The following SYMPK variants were observed in gnomAD, a reference collection of about 807,000 sequenced individuals.
The protein encoded by SYMPK is symplekin.
A neutral mutation model predicts 136.4 loss-of-function variants in SYMPK; 49 were observed. The observed-to-expected ratio is 0.36, with a 90% CI of 0.29 to 0.46. The LOEUF (loss-of-function observed/expected upper bound fraction) is 0.46. Ranked by LOEUF, SYMPK falls within the 20% of genes least tolerant of loss-of-function variation. The pLI, the probability that SYMPK is intolerant of heterozygous loss-of-function variation, is 1.00. For synonymous variants in SYMPK, 766 were observed against 713.0 expected (o/e 1.07, Z -1.19); for missense variants, 1,365 against 1,690.0 (o/e 0.81, Z 3.37).
chr19:45,815,521 C>T lies in SYMPK; in HGVS notation c.*39G>A. 1 of 1,403,210 alleles carries T rather than the reference C, an allele frequency of 7.1e-7. No individual in the cohort carries two copies. Among genetic ancestry groups the T allele is most frequent in the South Asian group, 1.4e-5 (1 of 70,888 alleles). The allele number at this position is 1,403,210 out of a possible 1,614,324, so 86.9% of individuals were successfully genotyped here. On this transcript the variant is annotated 3_prime_UTR_variant, in exon 27 of 27. Transcript: ENST00000245934. The stretch of plus-strand genomic sequence containing the variant: ...TCAAGCCCCGCCCCGTCCCCCAGCC[C>T]CGAGTCCCTGTCCCACCCCCTTTCC...
At position 45,835,070 on chromosome 19, in the gene SYMPK, ACACT is replaced by A. The variant is rs1971272953; in HGVS notation, c.1393+4_1393+7del. 1 of 1,583,038 alleles carries A rather than the reference ACACT, an allele frequency of 6.3e-7. No homozygotes were observed. Among genetic ancestry groups the A allele is most frequent in the East Asian group, 2.2e-5 (1 of 44,502 alleles). ...CCCTGGCCCAGGTTAGGGCCAGGAC[ACACT>A]CACCTGGTCCCAGTCCGGCAGCTGT... On this transcript the variant is annotated splice_donor_5th_base_variant and intron_variant, in intron 11 of 26. Coordinates refer to ENST00000245934, the MANE Select transcript of SYMPK (RefSeq NM_004819.3).
rs1970879921 is a variant in SYMPK at position 45,821,176 on chromosome 19, GAGGA to G, written c.2893+204_2893+207del. 1 of 662,184 alleles carries G rather than the reference GAGGA, an allele frequency of 1.5e-6. No homozygotes were observed. The highest frequency in any genetic ancestry group is 2.8e-6 in the Non-Finnish European group (1 of 360,782). 41.0% of individuals were successfully genotyped at this position (662,184 alleles called of 1,614,324 possible). On this transcript the variant is annotated intron_variant, in intron 22 of 26. Coordinates refer to ENST00000245934, the MANE Select transcript of SYMPK (RefSeq NM_004819.3). The surrounding 1 kb of genome is among the most constrained non-coding windows in gnomAD (Gnocchi z 4.4). The stretch of plus-strand genomic sequence containing the variant: ...GTGGGTTGTAAAGGGTAAAACCTGG[GAGGA>G]AGGAAGGAGGAGGGAGGGAGGGAGG...
intron 18 of SYMPK, among the ~76,000 whole-genome samples, chr19:45,824,798 C>A (rs1288499034): frequency 6.6e-6 from 1 of 152,112 alleles, no homozygotes; most frequent in Non-Finnish European, 1.5e-5. Flanking sequence ...GTTAGCAACA[C>A]TGGGAAGGCC....
chr19:45,817,037 C>T (rs1970760796), intron 23 of SYMPK, 63 bp from the exon 24 acceptor site: 1 of 1,502,554 alleles, frequency 6.7e-7, no homozygotes, highest in South Asian at 1.2e-5. Flanking sequence ...AGCCTTGACA[C>T]TGGGAGAAAG....
chr19:45,839,646 C>T (rs538383831), intron 9 of SYMPK, among the ~76,000 whole-genome samples: 9 of 152,002 alleles, frequency 5.9e-5, no homozygotes, highest in East Asian at 1.9e-4. Flanking sequence ...CTGGCTAACA[C>T]GGTGAAACCC....
Position 45,829,069 on chromosome 19 carries a change from G to C in SYMPK, c.1886C>G (p.Ala629Gly). The change falls in exon 14 of 27, where the codon GCC becomes GGC. Residue 629 changes from alanine (A) to glycine (G), a missense_variant. This residue lies in a region of SYMPK where 303 missense variants were observed against 326.6 expected (regional missense o/e 0.93). Coordinates refer to ENST00000245934, the MANE Select transcript of SYMPK (RefSeq NM_004819.3). ...AFAWLYQEYNAYLAAGASGSL... is the reference protein window; with the variant it reads ...AFAWLYQEYNGYLAAGASGSL... ...GCCCGAGGCACCTGCGGCCAGGTAG[G>C]CGTTGTACTCCTGGTAGAGCCAGGC... 1.2e-6 allele frequency: 2 copies of C among 1,614,202 alleles called. No individual in the cohort carries two copies. Among genetic ancestry groups the C allele is most frequent in the Non-Finnish European group, 1.7e-6 (2 of 1,180,040 alleles).
rs1450250788 is a variant in SYMPK, at chr19:45,823,475, G to T, written c.2600-3C>A. On this transcript the variant is annotated splice_polypyrimidine_tract_variant and splice_region_variant and intron_variant, in intron 19 of 26. Coordinates refer to ENST00000245934, the MANE Select transcript of SYMPK (RefSeq NM_004819.3). ...CACCAGCTCTGGGGAGGGTGGGACT[G>T]CATGGAAGCAGCAGGAGGCACCAAG... The T allele has an allele frequency of 6.2e-7, 1 of 1,613,478 alleles. No homozygotes were observed. The highest frequency in any genetic ancestry group is 8.5e-7 in the Non-Finnish European group (1 of 1,179,874).
Position 45,816,010 on chromosome 19 carries a change from C to CGGAGAG in SYMPK, c.3522_3527dup (p.Pro1176_Ser1177dup), listed in dbSNP as rs766188930. On this transcript the variant is annotated inframe_insertion, in exon 26 of 27. Transcript: ENST00000245934. ...ACGGGGGCGGGCCTGGCCGGGCCGA[C>CGGAGAG]GGAGAGGGAGAGGGGGAGGAAGAGG... 7.5e-6 allele frequency: 12 copies of CGGAGAG among 1,598,832 alleles called. No homozygotes were observed. In the East Asian group the frequency reaches 2.5e-4, roughly 33 times the overall value.
intron 10 of SYMPK, 42 bp from the exon 11 acceptor site, chr19:45,835,270 C>T (rs745617119): frequency 2.0e-6 from 3 of 1,523,908 alleles, no homozygotes; most frequent in Non-Finnish European, 1.8e-6. Context: ...TAATCATTAA[C>T]TCAAGAAGCA....
chr19:45,825,972 G>T (rs1315403392), intron 17 of SYMPK, among the ~76,000 whole-genome samples: 1 of 152,176 alleles, frequency 6.6e-6, no homozygotes, highest in Non-Finnish European at 1.5e-5. Context: ...ACCTGCCTGA[G>T]ATGGCCCTGC....
chr19:45,838,406 C>T, intron 10 of SYMPK, 55 bp downstream of exon 10: 4 of 1,565,620 alleles, frequency 2.6e-6, no homozygotes, highest in Non-Finnish European at 3.5e-6. Context: ...AGGTGAAAGA[C>T]CGAGGAGATC....
chr19:45,815,859 G>C lies in SYMPK; in HGVS notation c.3679C>G (p.Leu1227Val). Reference protein sequence around the residue: ...ALLDSSLEGPLPKETAAGGLT... With the variant: ...ALLDSSLEGPVPKETAAGGLT... ...GAGGCTGCTCTCCCTACCTTGGGTA[G>C]GGGGCCCTCGAGACTAGAGTCCAAC... Residue 1227 changes from leucine (L) to valine (V), a missense_variant, in exon 26 of 27, where the codon CTA becomes GTA. Leu to Val is a conservative substitution (Grantham distance 32). This residue lies in a region of SYMPK where 341 missense variants were observed against 270.5 expected (regional missense o/e 1.26). Transcript: ENST00000245934. 1.9e-6 allele frequency: 3 copies of C among 1,611,630 alleles called. No individual in the cohort carries two copies. Among genetic ancestry groups the C allele is most frequent in the Non-Finnish European group, 2.5e-6 (3 of 1,179,576 alleles).
chr19:45,818,638 G>A (rs1600489367), intron 22 of SYMPK, among the ~76,000 whole-genome samples: 1 of 152,192 alleles, frequency 6.6e-6, no homozygotes, highest in Non-Finnish European at 1.5e-5. Flanking sequence ...GGGGTGCCAG[G>A]CTAAGGGCTG....
chr19:45,838,828 G>A (rs1971369009), intron 9 of SYMPK, among the ~76,000 whole-genome samples: 1 of 152,190 alleles, frequency 6.6e-6, no homozygotes, highest in Non-Finnish European at 1.5e-5. Context: ...CAGATCTCCT[G>A]ATCTGGGAAA....
intron 10 of SYMPK, among the ~76,000 whole-genome samples, chr19:45,836,917 A>C (rs1193794990): frequency 1.3e-5 from 2 of 152,220 alleles, no homozygotes; most frequent in African/African-American, 4.8e-5. Context: ...AAAGATAATG[A>C]AACTGCTATA....
intron 1 of SYMPK, among the ~76,000 whole-genome samples, chr19:45,862,187 ATTT>A (rs1971982441): frequency 6.6e-6 from 1 of 152,152 alleles, no homozygotes; most frequent in South Asian, 2.1e-4. Flanking sequence ...GTTGCATAGT[ATTT>A]TTTATGTGGA....
intron 6 of SYMPK, 39 bp from the exon 7 acceptor site, chr19:45,848,040 A>G (rs909948365): frequency 1.3e-6 from 2 of 1,545,970 alleles, no homozygotes; most frequent in Admixed American, 1.8e-5. Context: ...AGACACACAA[A>G]GAGGTGAAGA....
In SYMPK at chr19:45,844,144, G is replaced by A. The variant is rs747985563; in HGVS notation, c.733C>T (p.His245Tyr). 2.5e-6 allele frequency: 4 copies of A among 1,612,172 alleles called. No homozygotes were observed. The highest frequency in any genetic ancestry group is 4.5e-5 in the East Asian group (2 of 44,774). ...ALEQLLKFMV[H>Y]PAISSINLTT... Reference sequence around the variant, plus strand: ...AGGTTGATGGAGGAGATGGCAGGGTGCACCATGAACTTAAGCAGCTGCTCC... The same window carrying A: ...AGGTTGATGGAGGAGATGGCAGGGTACACCATGAACTTAAGCAGCTGCTCC... The change falls in exon 8 of 27, where the codon CAC (histidine) becomes TAC (tyrosine). Residue 245 changes from histidine (H) to tyrosine (Y), a missense_variant. This residue lies in a region of SYMPK where 237 missense variants were observed against 292.9 expected (regional missense o/e 0.81). Transcript: ENST00000245934.
At chr19:45,858,656 C>T (rs1436290322) in intron 1 of SYMPK, among the ~76,000 whole-genome samples, 1 of 152,166 alleles carries the variant, frequency 6.6e-6, no homozygotes, top group Non-Finnish European at 1.5e-5. Context: ...GCTGGGATTA[C>T]AGGCATGTGC....
Sources: allele counts gnomAD v4.1 joint callset (sites outside exome capture counted in the v4.1 genomes callset), GRCh38; gene constraint gnomAD v4.1.1; regional missense constraint gnomAD v4.1.1; non-coding constraint Gnocchi (gnomAD v3.1); transcripts MANE v1.5; gene names NCBI Gene and HGNC (gene_info 2026-07-23, HGNC 2026-07-21).